The following NMNAT2 variants were observed in gnomAD, a reference collection of about 807,000 sequenced individuals.
NMNAT2 encodes nicotinamide/nicotinic acid mononucleotide adenylyltransferase 2.
A neutral mutation model predicts 41.6 loss-of-function variants in NMNAT2; 11 were observed. The ratio of observed to expected loss-of-function variants is 0.26; its 90% CI spans 0.17 to 0.44. The LOEUF is 0.44. NMNAT2 is among the 20% of genes least tolerant of loss of function. NMNAT2 has a pLI of 1.00. For missense variants in NMNAT2, 288 were observed against 407.7 expected, an observed-to-expected ratio of 0.71 and a Z score of 2.53; for synonymous variants, 148 against 151.2, an observed-to-expected ratio of 0.98 and a Z score of 0.16.
intron 7 of NMNAT2, among the ~76,000 whole-genome samples, chr1:183,280,199 C>A (rs1287551974): frequency 1.3e-5 from 2 of 152,170 alleles, no homozygotes; most frequent in Non-Finnish European, 2.9e-5. Flanking sequence ...TTCTCGGATT[C>A]TGTTGTTCCT....
intron 1 of NMNAT2, 82 bp from the exon 2 acceptor site, chr1:183,293,875 C>G (rs1661610672): frequency 2.1e-6 from 2 of 932,802 alleles, no homozygotes; most frequent in Admixed American, 2.0e-5. Flanking sequence ...ACGCTCAGCT[C>G]TGTAATGCTG....
intron 1 of NMNAT2, among the ~76,000 whole-genome samples, chr1:183,394,048 C>T (rs1648562563): frequency 6.6e-6 from 1 of 152,114 alleles, no homozygotes; most frequent in Non-Finnish European, 1.5e-5. Context: ...GATGATAGTG[C>T]TATGAAGGGA....
intron 1 of NMNAT2, among the ~76,000 whole-genome samples, chr1:183,298,048 C>T (rs10752910): frequency 0.41 from 62,857 of 151,982 alleles, 14,209 homozygotes; most frequent in Middle Eastern, 0.55. Flanking sequence ...TAGAAAGAAA[C>T]GTCCTCGACT....
At chr1:183,304,326 A>C (rs1045817881) in intron 1 of NMNAT2, among the ~76,000 whole-genome samples, 1 of 152,192 alleles carries the variant, frequency 6.6e-6, no homozygotes, top group Non-Finnish European at 1.5e-5. Flanking sequence ...GGCTGGAAAG[A>C]AAGTGGGGTA....
chr1:183,325,605 A>C (rs1248103606), intron 1 of NMNAT2, among the ~76,000 whole-genome samples: 3 of 152,230 alleles, frequency 2.0e-5, no homozygotes, highest in Non-Finnish European at 4.4e-5. Flanking sequence ...GTGACTTTAA[A>C]TAAAACTCCC....
intron 8 of NMNAT2, among the ~76,000 whole-genome samples, chr1:183,267,784 G>T (rs1376232611): frequency 6.6e-6 from 1 of 152,098 alleles, no homozygotes; most frequent in Non-Finnish European, 1.5e-5. Context: ...CTTGCCCTTG[G>T]GGGTGGAGAG....
At chr1:183,394,866 T>A (rs1178804965) in intron 1 of NMNAT2, among the ~76,000 whole-genome samples, 1 of 152,214 alleles carries the variant, frequency 6.6e-6, no homozygotes, top group East Asian at 1.9e-4. Flanking sequence ...GAGCAAACTG[T>A]CCTTGGCAGG....
At chr1:183,266,772 A>G (rs1474153074) in intron 8 of NMNAT2, 1 of 214,208 alleles carries the variant, frequency 4.7e-6, no homozygotes, top group African/African-American at 2.3e-5. Flanking sequence ...GAAGATCTCC[A>G]GGGCAAAAAC....
intron 8 of NMNAT2, among the ~76,000 whole-genome samples, chr1:183,270,003 C>T (rs1425838092): frequency 1.3e-5 from 2 of 152,150 alleles, no homozygotes; most frequent in African/African-American, 4.8e-5. Context: ...CCTGCCTCAG[C>T]CTCCCAAGTA....
At chr1:183,277,354 G>A (rs529601394) in intron 8 of NMNAT2, among the ~76,000 whole-genome samples, 4 of 151,798 alleles carry the variant, frequency 2.6e-5, no homozygotes, top group African/African-American at 9.7e-5. Flanking sequence ...GTGGTGGCAG[G>A]TGCCTGTAAT....
Position 183,274,214 on chromosome 1 carries a change from G to T in NMNAT2, c.651+4339C>A, listed in dbSNP as rs187067099. Among the ~76,000 whole-genome samples, 593 of 152,148 alleles carry T rather than the reference G, an allele frequency of 3.9e-3. 5 individuals are homozygous for T. Among genetic ancestry groups the T allele is most frequent in the African/African-American group, 0.013 (553 of 41,522 alleles). ...AGGTGTGAGCCACTGCGCCTGGCTGGCCAGCTCTATTTCTAGCAGACAGCC... is the reference window on the plus strand; with the variant it reads ...AGGTGTGAGCCACTGCGCCTGGCTGTCCAGCTCTATTTCTAGCAGACAGCC... On this transcript the variant is annotated intron_variant, in intron 8 of 10. Coordinates refer to ENST00000287713, the MANE Select transcript of NMNAT2 (RefSeq NM_015039.4).
chr1:183,396,683 C>T (rs1355883666), intron 1 of NMNAT2, among the ~76,000 whole-genome samples: 1 of 152,128 alleles, frequency 6.6e-6, no homozygotes, highest in Non-Finnish European at 1.5e-5. Flanking sequence ...ATATAAAACC[C>T]CAAGTCAAAA....
At chr1:183,397,116 C>T (rs1196873727) in intron 1 of NMNAT2, among the ~76,000 whole-genome samples, 1 of 152,180 alleles carries the variant, frequency 6.6e-6, no homozygotes, top group East Asian at 1.9e-4. Context: ...TATGTCTGCA[C>T]TCCCCTTTCT....
intron 10 of NMNAT2, among the ~76,000 whole-genome samples, chr1:183,254,147 C>A (rs935491755): frequency 6.6e-6 from 1 of 152,078 alleles, no homozygotes; most frequent in Non-Finnish European, 1.5e-5. Context: ...TTTTTAATCT[C>A]TTTAGGAACC....
chr1:183,371,030 C>A (rs368481483), intron 1 of NMNAT2, among the ~76,000 whole-genome samples: 3 of 152,114 alleles, frequency 2.0e-5, no homozygotes, highest in Non-Finnish European at 4.4e-5. Context: ...AAACAAATGA[C>A]CTGGACAAAT....
chr1:183,340,847 A>T (rs960896695), intron 1 of NMNAT2, among the ~76,000 whole-genome samples: 2 of 152,206 alleles, frequency 1.3e-5, no homozygotes, highest in African/African-American at 4.8e-5. Context: ...ATTGTGACCT[A>T]AAAGCCCCAC....
At chr1:183,307,872 G>A (rs1382564699) in intron 1 of NMNAT2, among the ~76,000 whole-genome samples, 4 of 152,224 alleles carry the variant, frequency 2.6e-5, no homozygotes, top group Non-Finnish European at 4.4e-5. Context: ...ATGAGCTGCC[G>A]CACCTGGCCC....
At chr1:183,287,816 G>T (rs1661435947) in intron 4 of NMNAT2, among the ~76,000 whole-genome samples, 1 of 152,216 alleles carries the variant, frequency 6.6e-6, no homozygotes, top group African/African-American at 2.4e-5. Flanking sequence ...CAGGCCCAAG[G>T]CTGGGGTGAT....
At chr1:183,379,913 A>G (rs895702620) in intron 1 of NMNAT2, among the ~76,000 whole-genome samples, 1 of 152,248 alleles carries the variant, frequency 6.6e-6, no homozygotes, top group African/African-American at 2.4e-5. Flanking sequence ...TTCTAATCCA[A>G]TGAAATTATT....
Sources: gnomAD v4.1 joint callset for allele counts (sites outside exome capture counted in the v4.1 genomes callset) on GRCh38, gnomAD v4.1.1 for gene constraint, MANE v1.5 for transcripts, NCBI Gene and HGNC (gene_info 2026-07-23, HGNC 2026-07-21) for gene names.